Variants in PBX1 observed in about 807,000 individuals in gnomAD.
The protein encoded by PBX1 is PBX homeobox 1.
Under a neutral mutation model 53.4 loss-of-function variants are expected in PBX1, and 6 were observed. The ratio of observed to expected loss-of-function variants is 0.11; its 90% CI spans 0.06 to 0.22. PBX1 has a LOEUF of 0.22. PBX1 is among the 10% of genes least tolerant of loss of function. PBX1 has a pLI of 1.00. For missense variants in PBX1, 251 were observed against 551.4 expected (o/e 0.46, Z 5.46); for synonymous variants, 204 against 212.3 (o/e 0.96, Z 0.34).
intron 2 of PBX1, among the ~76,000 whole-genome samples, chr1:164,759,471 G>T (rs796935946): frequency 1.3e-5 from 2 of 152,124 alleles, no homozygotes; most frequent in Non-Finnish European, 2.9e-5. Flanking sequence ...CTGGGTGGCT[G>T]GTTCAGGAGC....
intron 2 of PBX1, among the ~76,000 whole-genome samples, chr1:164,679,513 C>A (rs1252420051): frequency 1.3e-5 from 2 of 152,116 alleles, no homozygotes; most frequent in Non-Finnish European, 2.9e-5. Context: ...GCTTTTGCTG[C>A]AAGTAGGCAG....
At chr1:164,628,075 C>T (rs1166294301) in intron 2 of PBX1, among the ~76,000 whole-genome samples, 2 of 152,114 alleles carry the variant, frequency 1.3e-5, no homozygotes, top group African/African-American at 4.8e-5. Flanking sequence ...AGTGAAATCC[C>T]TTGGGTTTAT....
intron 2 of PBX1, among the ~76,000 whole-genome samples, chr1:164,772,648 T>G (rs1205416804): frequency 6.6e-6 from 1 of 152,184 alleles, no homozygotes; most frequent in Non-Finnish European, 1.5e-5. Flanking sequence ...TGCCCTGTCC[T>G]CCTTACACCT....
At chr1:164,617,044 A>G (rs1310318403) in intron 2 of PBX1, among the ~76,000 whole-genome samples, 1 of 152,232 alleles carries the variant, frequency 6.6e-6, no homozygotes, top group South Asian at 2.1e-4. Flanking sequence ...GTTATAAAAT[A>G]GTATAACTTC....
intron 6 of PBX1, chr1:164,813,377 A>G (rs1669715025): frequency 6.6e-6 from 1 of 152,250 alleles, no homozygotes; most frequent in Non-Finnish European, 1.5e-5. Flanking sequence ...TAATTTTCCC[A>G]GCACTGCAGG....
intron 8 of PBX1, among the ~76,000 whole-genome samples, chr1:164,824,479 G>T (rs994281950): frequency 3.3e-5 from 5 of 152,178 alleles, no homozygotes; most frequent in African/African-American, 1.2e-4. Context: ...TATTCCACAT[G>T]AATGCAGTAT....
At chr1:164,845,801 AG>A (rs1671543984) in intron 8 of PBX1, among the ~76,000 whole-genome samples, 1 of 152,172 alleles carries the variant, frequency 6.6e-6, no homozygotes, top group South Asian at 2.1e-4. Flanking sequence ...ATATTCACAC[AG>A]ACTAGTCCTT....
At chr1:164,683,045 C>G (rs1222868856) in intron 2 of PBX1, 2 of 152,134 alleles carry the variant, frequency 1.3e-5, no homozygotes, top group Non-Finnish European at 2.9e-5. Flanking sequence ...AGAAAGCCTC[C>G]AAGAGAGTGG....
chr1:164,756,875 A>T (rs190485899), intron 2 of PBX1, among the ~76,000 whole-genome samples: 13 of 152,384 alleles, frequency 8.5e-5, no homozygotes, highest in Admixed American at 4.6e-4. Context: ...CAATTCAAAC[A>T]GTTGTCACAG....
intron 2 of PBX1, among the ~76,000 whole-genome samples, chr1:164,658,200 A>G (rs1660276772): frequency 6.6e-6 from 1 of 152,146 alleles, no homozygotes; most frequent in Non-Finnish European, 1.5e-5. Context: ...GGAATTTAAA[A>G]TAAAAGCCAA....
chr1:164,593,973 G>C (rs980154397), intron 2 of PBX1, among the ~76,000 whole-genome samples: 1 of 152,148 alleles, frequency 6.6e-6, no homozygotes, highest in African/African-American at 2.4e-5. Flanking sequence ...TCCCACTTTA[G>C]CCTTCTTTCA....
intron 2 of PBX1, among the ~76,000 whole-genome samples, chr1:164,880,608 T>C (rs1672622880): frequency 6.6e-6 from 1 of 152,206 alleles, no homozygotes; most frequent in Non-Finnish European, 1.5e-5. Flanking sequence ...TCTCTTTCAG[T>C]TGACAAAGTT....
chr1:164,825,157 A>C (rs1670389392), intron 8 of PBX1, among the ~76,000 whole-genome samples: 1 of 151,734 alleles, frequency 6.6e-6, no homozygotes, highest in Non-Finnish European at 1.5e-5. Context: ...TTCCCCTTAC[A>C]TTTACTCATG....
At chr1:164,745,313 T>C (rs1475218062) in intron 2 of PBX1, among the ~76,000 whole-genome samples, 1 of 152,212 alleles carries the variant, frequency 6.6e-6, no homozygotes, top group African/African-American at 2.4e-5. Context: ...AGACTGTGTA[T>C]TAAAAGTCCT....
chr1:164,690,893 A>G (rs1662432688), intron 2 of PBX1, among the ~76,000 whole-genome samples: 1 of 152,094 alleles, frequency 6.6e-6, no homozygotes, highest in Non-Finnish European at 1.5e-5. Flanking sequence ...GCTTGGCTGC[A>G]TTACAGTTTG....
At chr1:164,631,275 GTTTTT>G (rs953603438) in intron 2 of PBX1, among the ~76,000 whole-genome samples, 17 of 146,884 alleles carry the variant, frequency 1.2e-4, no homozygotes, top group Admixed American at 6.1e-4. Flanking sequence ...TAGTGAGAGA[GTTTTT>G]TTTTTCTTTT....
chr1:164,728,971 A>G (rs539142608), intron 2 of PBX1, among the ~76,000 whole-genome samples: 6 of 152,326 alleles, frequency 3.9e-5, no homozygotes, highest in Admixed American at 2.6e-4. Context: ...AGATAATTGT[A>G]GGGTTACTGC....
chr1:164,857,255 G>T (rs1365803672), intron 2 of PBX1, among the ~76,000 whole-genome samples: 1 of 152,152 alleles, frequency 6.6e-6, no homozygotes, highest in Non-Finnish European at 1.5e-5. Context: ...CAGGAGTCAG[G>T]AAGCCACTTT....
intron 2 of PBX1, among the ~76,000 whole-genome samples, chr1:164,609,425 C>T (rs958963515): frequency 2.6e-5 from 4 of 152,112 alleles, no homozygotes; most frequent in African/African-American, 9.7e-5. Flanking sequence ...GATGGCATGG[C>T]AGGACACGTA....
Sources: gnomAD v4.1 joint callset for allele counts (sites outside exome capture counted in the v4.1 genomes callset) on GRCh38, gnomAD v4.1.1 for gene constraint, MANE v1.5 for transcripts, NCBI Gene and HGNC (gene_info 2026-07-23, HGNC 2026-07-21) for gene names.